Variants in EVC observed in about 807,000 individuals in gnomAD.
EVC encodes evC complex member EVC.
EVC carries 116 observed loss-of-function variants against 118.9 expected under a neutral mutation model. The observed-to-expected ratio is 0.98, with a 90% CI of 0.84 to 1.14. EVC has a LOEUF of 1.14. Among genes scored for constraint, EVC ranks in the 50% most tolerant of loss-of-function variants. The pLI is 0.00. For synonymous variants in EVC, 619 were observed against 534.7 expected (o/e 1.16, Z -2.18); for missense variants, 1,401 against 1,246.4 (o/e 1.12, Z -1.87).
chr4:5,769,239 G>T (rs1185378763), intron 11 of EVC, among the ~76,000 whole-genome samples: 2 of 152,136 alleles, frequency 1.3e-5, no homozygotes, highest in Non-Finnish European at 2.9e-5. Context: ...GAGAGAGCAT[G>T]TGCAGGGGAA....
At position 5,731,574 on chromosome 4, in the gene EVC, C is replaced by A. The variant is rs774703104; in HGVS notation, c.534C>A (p.Val178=). 5.8e-5 allele frequency: 93 copies of A among 1,614,024 alleles called. No homozygotes were observed. Among genetic ancestry groups the A allele is most frequent in the Middle Eastern group, 3.3e-4 (2 of 6,084 alleles). The change falls in exon 4 of 21, where the codon GTC becomes GTA. Residue 178 remains valine (V), a synonymous_variant. Coordinates refer to ENST00000264956, the MANE Select transcript of EVC (RefSeq NM_153717.3). The surrounding 1 kb of genome is among the most constrained non-coding windows in gnomAD (Gnocchi z 5.6). Reference sequence around the variant, plus strand: ...ACGACTGCAGCTCCTCATCCAGCGTCCACTCGGCCACCAGCGATGACAGGT... The same window carrying A: ...ACGACTGCAGCTCCTCATCCAGCGTACACTCGGCCACCAGCGATGACAGGT... ...EKDDCSSSSS[V]HSATSDDRFL... is the part of the protein sequence containing the mutation.
chr4:5,711,806 C>T (rs1441051074), intron 1 of EVC, among the ~76,000 whole-genome samples: 1 of 152,224 alleles, frequency 6.6e-6, no homozygotes, highest in East Asian at 1.9e-4. Flanking sequence ...AGCAGCCCAA[C>T]TGCGCCACGC....
chr4:5,731,509 C>G lies in EVC; in HGVS notation c.469C>G (p.Pro157Ala), dbSNP rs146729456. ...VLPHQPVEAS[P>A]SSSLGSLSQG... is the part of the protein sequence containing the mutation. ...GCCACACCAGCCGGTAGAGGCCTCT[C>G]CTTCCAGCAGTCTGGGGAGCCTGAG... Residue 157 changes from proline (P) to alanine (A), a missense_variant, in exon 4 of 21, where the codon CCT (proline) becomes GCT (alanine). Pro to Ala is a conservative substitution (Grantham distance 27). Coordinates refer to ENST00000264956, the MANE Select transcript of EVC (RefSeq NM_153717.3). The surrounding 1 kb of genome is among the most constrained non-coding windows in gnomAD (Gnocchi z 5.6). The G allele has an allele frequency of 6.9e-3, 11,104 of 1,614,130 alleles. 45 individuals are homozygous for G. The highest frequency in any genetic ancestry group is 8.4e-3 in the Middle Eastern group (51 of 6,062).
chr4:5,797,092 G>T lies in EVC; in HGVS notation c.1957G>T (p.Gly653Cys). ...AGCCCTCCGGAGGCTGGCACTCCGC[G>T]GCAACGCCCTGGCCACCCTGACGCA... The part of the protein sequence containing the change: ...RSALRRLALR[G>C]NALATLTQMR... Residue 653 changes from glycine to cysteine, a missense_variant, in exon 14 of 21, where the codon GGC becomes TGC. Coordinates refer to ENST00000264956, the MANE Select transcript of EVC (RefSeq NM_153717.3). 1 of 1,613,514 alleles carries T rather than the reference G, an allele frequency of 6.2e-7. No individual in the cohort carries two copies. Among genetic ancestry groups the T allele is most frequent in the Non-Finnish European group, 8.5e-7 (1 of 1,180,010 alleles).
intron 15 of EVC, among the ~76,000 whole-genome samples, chr4:5,800,392 C>G (rs1714755982): frequency 6.6e-6 from 1 of 152,114 alleles, no homozygotes; most frequent in South Asian, 2.1e-4. Context: ...AGTTTAGTTT[C>G]TAGAAGAATG....
chr4:5,797,871 G>T (rs772482006), intron 14 of EVC, among the ~76,000 whole-genome samples: 1 of 152,210 alleles, frequency 6.6e-6, no homozygotes, highest in South Asian at 2.1e-4. Flanking sequence ...GGTAGAGAAG[G>T]CCTCTGTGGT....
intron 13 of EVC, among the ~76,000 whole-genome samples, chr4:5,795,117 T>G (rs982981794): frequency 1.3e-5 from 2 of 152,248 alleles, no homozygotes; most frequent in African/African-American, 4.8e-5. Context: ...TACCATTTCT[T>G]TATCCAATCC....
chr4:5,774,382 C>G (rs1038771239), intron 11 of EVC, among the ~76,000 whole-genome samples: 1 of 152,026 alleles, frequency 6.6e-6, no homozygotes, highest in African/African-American at 2.4e-5. Flanking sequence ...CAACTTTTAT[C>G]TAATGATACT....
At chr4:5,802,444 C>T (rs1397437267) in intron 16 of EVC, among the ~76,000 whole-genome samples, 1 of 152,042 alleles carries the variant, frequency 6.6e-6, no homozygotes, top group Admixed American at 6.5e-5. Flanking sequence ...TTCCACAGAC[C>T]AGGGTGAGAG....
chr4:5,736,102 A>C (rs1577376658), intron 5 of EVC, among the ~76,000 whole-genome samples: 1 of 152,180 alleles, frequency 6.6e-6, no homozygotes, highest in African/African-American at 2.4e-5. Flanking sequence ...AAGAGGCAGG[A>C]GAAGCTGGAG....
At position 5,753,681 on chromosome 4, in the gene EVC, G is replaced by A. The variant is rs536532105; in HGVS notation, c.1316-104G>A. 29 of 1,490,600 alleles carry A rather than the reference G, an allele frequency of 1.9e-5. No individual in the cohort carries two copies. The African/African-American group carries it at 2.6e-4, about 14-fold the overall frequency. 92.3% of individuals were successfully genotyped at this position (1,490,600 alleles called of 1,614,324 possible). Reference sequence around the variant, plus strand: ...CAGGGCGGGCACCATCTCTGCAGCCGACACCAGCTTCCCCAACCTCCAGAC... The same window carrying A: ...CAGGGCGGGCACCATCTCTGCAGCCAACACCAGCTTCCCCAACCTCCAGAC... On this transcript the variant is annotated intron_variant, in intron 9 of 20. Coordinates refer to ENST00000264956, the MANE Select transcript of EVC (RefSeq NM_153717.3).
intron 5 of EVC, among the ~76,000 whole-genome samples, chr4:5,734,841 T>G (rs565392433): frequency 6.6e-6 from 1 of 152,248 alleles, no homozygotes; most frequent in African/African-American, 2.4e-5. Context: ...GGTCCCTGGA[T>G]GGGGGCCACC....
At chr4:5,760,348 C>T (rs1731817245) in intron 11 of EVC, among the ~76,000 whole-genome samples, 1 of 152,020 alleles carries the variant, frequency 6.6e-6, no homozygotes, top group Admixed American at 6.6e-5. Context: ...GGCCTAGTTG[C>T]TGGGCCTGTG....
chr4:5,732,293 C>T (rs934283404), intron 4 of EVC, among the ~76,000 whole-genome samples: 1 of 152,190 alleles, frequency 6.6e-6, no homozygotes, highest in African/African-American at 2.4e-5. Flanking sequence ...TCTCTCTGCT[C>T]CAAAATTCCG....
chr4:5,726,457 T>A lies in EVC; in HGVS notation c.301-2850T>A, dbSNP rs75841473. ...GGATATAGGGCAGGCCATGGATAAG[T>A]CCATCCAGCTTCTTATTAATGAGTC... On this transcript the variant is annotated intron_variant, in intron 2 of 20. Coordinates refer to ENST00000264956, the MANE Select transcript of EVC (RefSeq NM_153717.3). Among the ~76,000 whole-genome samples, 150 of 152,140 alleles carry A rather than the reference T, an allele frequency of 9.9e-4. 2 individuals carry two copies. In the East Asian group the frequency reaches 0.027, roughly 27 times the overall value.
chr4:5,771,407 C>G (rs948143749), intron 11 of EVC, among the ~76,000 whole-genome samples: 1 of 152,100 alleles, frequency 6.6e-6, no homozygotes, highest in Non-Finnish European at 1.5e-5. Flanking sequence ...TTATAAGAAC[C>G]CTGTGATGAC....
At chr4:5,779,893 T>C (rs1735315640) in intron 11 of EVC, among the ~76,000 whole-genome samples, 1 of 148,136 alleles carries the variant, frequency 6.8e-6, no homozygotes, top group Non-Finnish European at 1.5e-5. Context: ...ATAGGAGTGG[T>C]GAGAGAGGGC....
intron 11 of EVC, among the ~76,000 whole-genome samples, chr4:5,760,851 C>T (rs573738303): frequency 6.6e-6 from 1 of 152,304 alleles, no homozygotes; most frequent in African/African-American, 2.4e-5. Flanking sequence ...CGCTCCCGGC[C>T]TGGCCCAAGG....
At chr4:5,748,774 ATCCACCC>A in intron 8 of EVC, among the ~76,000 whole-genome samples, 15 of 38,152 alleles carry the variant, frequency 3.9e-4, no homozygotes, top group Admixed American at 8.5e-4. Context: ...CCATCCATCC[ATCCACCC>A]ATCCATCCAT....
Sources: allele counts gnomAD v4.1 joint callset (sites outside exome capture counted in the v4.1 genomes callset), GRCh38; gene constraint gnomAD v4.1.1; non-coding constraint Gnocchi (gnomAD v3.1); transcripts MANE v1.5; gene names NCBI Gene and HGNC (gene_info 2026-07-23, HGNC 2026-07-21).